The following TMEM132B variants were observed in gnomAD, a reference collection of about 807,000 sequenced individuals.
The protein encoded by TMEM132B is transmembrane protein 132B.
TMEM132B carries 18 observed loss-of-function variants against 90.8 expected under a neutral mutation model. The observed-to-expected ratio is 0.20, with a 90% CI of 0.14 to 0.29. The LOEUF is 0.29. TMEM132B is among the 10% of genes least tolerant of loss of function. The probability of loss-of-function intolerance (pLI) is 1.00; values close to 1 mark genes in which losing one functional copy is unlikely to be tolerated. For synonymous variants in TMEM132B, 504 were observed against 523.3 expected, an observed-to-expected ratio of 0.96 and a Z score of 0.50; for missense variants, 1,096 against 1,326.8, an observed-to-expected ratio of 0.83 and a Z score of 2.70.
chr12:125,622,701 G>A (rs546005173), intron 5 of TMEM132B: 1 of 982,458 alleles, frequency 1.0e-6, no homozygotes, highest in African/African-American at 1.8e-5. Context: ...TTTTCAGCTT[G>A]GGCCTTTCCA....
rs751285605 is a variant in TMEM132B, at chr12:125,563,333, G to C, written c.1294-20518G>C. 6.7e-4 allele frequency among the ~76,000 whole-genome samples: 102 copies of C among 152,224 alleles called. 1 individual carries two copies. The highest frequency in any genetic ancestry group is 1.2e-3 in the Non-Finnish European group (80 of 68,022). On this transcript the variant is annotated intron_variant, in intron 4 of 8. Transcript: ENST00000682704. ...TGTAAAGAACGCAGTATCTGGCCGG[G>C]CGCGGTGGCTCACGCCTGTAATCCC...
intron 4 of TMEM132B, among the ~76,000 whole-genome samples, chr12:125,546,434 G>C (rs914794323): frequency 1.3e-5 from 2 of 151,964 alleles, no homozygotes; most frequent in African/African-American, 4.8e-5. Context: ...CACCTGTCTT[G>C]GCCTCCCAAA....
intron 5 of TMEM132B, among the ~76,000 whole-genome samples, chr12:125,596,749 C>A (rs1885448878): frequency 6.6e-6 from 1 of 152,176 alleles, no homozygotes; most frequent in African/African-American, 2.4e-5. Context: ...ATGTCACTCC[C>A]AAGAGTATAT....
Position 125,269,678 on chromosome 12 carries a change from G to A in TMEM132B, c.68-79774G>A, listed in dbSNP as rs566025319. Among the ~76,000 whole-genome samples, 23 of 152,284 alleles carry A rather than the reference G, an allele frequency of 1.5e-4. No homozygotes were observed. The South Asian group carries it at 4.8e-3, about 32-fold the overall frequency. On this transcript the variant is annotated intron_variant, in intron 1 of 8. Coordinates refer to ENST00000682704, the MANE Select transcript of TMEM132B (RefSeq NM_001366854.1). Reference sequence around the variant, plus strand: ...GTAGGATCCAGCACGGAGCATGACTGATCACTTAAATCCTATGTGTTAGGT... The same window carrying A: ...GTAGGATCCAGCACGGAGCATGACTAATCACTTAAATCCTATGTGTTAGGT...
intron 1 of TMEM132B, among the ~76,000 whole-genome samples, chr12:125,216,252 C>T (rs1873434648): frequency 6.6e-6 from 1 of 152,188 alleles, no homozygotes; most frequent in Non-Finnish European, 1.5e-5. Flanking sequence ...ATGGCAGCCT[C>T]CTCTCTGTGT....
intron 3 of TMEM132B, among the ~76,000 whole-genome samples, chr12:125,513,054 C>T (rs895813081): frequency 6.6e-6 from 1 of 152,186 alleles, no homozygotes; most frequent in Non-Finnish European, 1.5e-5. Context: ...TCATCTAGCC[C>T]AGTCCTCAAA....
Position 125,350,224 on chromosome 12 carries a change from G to C in TMEM132B, c.840G>C (p.Leu280=), listed in dbSNP as rs776713830. 5.0e-6 allele frequency: 8 copies of C among 1,614,158 alleles called. No homozygotes were observed. Among genetic ancestry groups the C allele is most frequent in the Non-Finnish European group, 6.8e-6 (8 of 1,180,038 alleles). Residue 280 remains leucine, a synonymous_variant, in exon 2 of 9, where the codon CTG becomes CTC. Transcript: ENST00000682704. Reference sequence around the variant, plus strand: ...CCCAAGATGATCTGAAGTGGTCCCTGGTGAGCTTGGACGAGAATGTGGTCA... The same window carrying C: ...CCCAAGATGATCTGAAGTGGTCCCTCGTGAGCTTGGACGAGAATGTGGTCA... ...YPTQDDLKWS[L]VSLDENVVIS... is the part of the protein sequence containing the mutation.
chr12:125,630,147 C>T (rs1886326972), intron 5 of TMEM132B, among the ~76,000 whole-genome samples: 1 of 152,002 alleles, frequency 6.6e-6, no homozygotes, highest in South Asian at 2.1e-4. Context: ...AAATACTAGC[C>T]TTGTAAAATG....
At chr12:125,562,539 A>T (rs577948236) in intron 4 of TMEM132B, among the ~76,000 whole-genome samples, 81 of 152,272 alleles carry the variant, frequency 5.3e-4, no homozygotes, top group Middle Eastern at 3.4e-3. Context: ...ATTTAAAGTG[A>T]GAGATGTGGG....
chr12:125,366,818 T>C (rs181866599), intron 2 of TMEM132B, among the ~76,000 whole-genome samples: 1 of 152,308 alleles, frequency 6.6e-6, no homozygotes, highest in Admixed American at 6.5e-5. Context: ...AGACTATCTA[T>C]TATTATCTAA....
chr12:125,274,488 C>T (rs989534135), intron 1 of TMEM132B, among the ~76,000 whole-genome samples: 9 of 152,204 alleles, frequency 5.9e-5, no homozygotes, highest in African/African-American at 1.9e-4. Flanking sequence ...GGTTGATCCC[C>T]GCTCTGGCGA....
intron 3 of TMEM132B, among the ~76,000 whole-genome samples, chr12:125,435,709 A>C (rs945161301): frequency 6.6e-6 from 1 of 152,222 alleles, no homozygotes; most frequent in South Asian, 2.1e-4. Context: ...GCAGGAGATA[A>C]GAATGGAGAA....
At chr12:125,462,178 T>A (rs530456416) in intron 3 of TMEM132B, among the ~76,000 whole-genome samples, 179 of 152,316 alleles carry the variant, frequency 1.2e-3, no homozygotes, top group African/African-American at 4.2e-3. Flanking sequence ...AGGGAATAGA[T>A]CGCAGGTTGA....
chr12:125,366,849 CA>C (rs1235593808), intron 2 of TMEM132B, among the ~76,000 whole-genome samples: 1 of 152,156 alleles, frequency 6.6e-6, no homozygotes, highest in African/African-American at 2.4e-5. Context: ...AGTCTCTGTT[CA>C]TTTTCTTCAG....
At chr12:125,527,882 G>C (rs1883538719) in intron 4 of TMEM132B, among the ~76,000 whole-genome samples, 1 of 152,248 alleles carries the variant, frequency 6.6e-6, no homozygotes, top group African/African-American at 2.4e-5. Flanking sequence ...AATGAAAAGA[G>C]AGAAAATGGA....
At chr12:125,571,479 C>T (rs73220946) in intron 4 of TMEM132B, among the ~76,000 whole-genome samples, 17 of 152,214 alleles carry the variant, frequency 1.1e-4, no homozygotes, top group Non-Finnish European at 2.5e-4. Flanking sequence ...ACAAATAATG[C>T]ATGTAAATAA....
intron 3 of TMEM132B, among the ~76,000 whole-genome samples, chr12:125,516,314 C>T (rs1566060405): frequency 6.6e-6 from 1 of 152,210 alleles, no homozygotes; most frequent in Non-Finnish European, 1.5e-5. Flanking sequence ...TGAAACACTT[C>T]TTGATATTTG....
intron 1 of TMEM132B, among the ~76,000 whole-genome samples, chr12:125,296,097 T>G (rs1185104853): frequency 6.6e-6 from 1 of 152,124 alleles, no homozygotes; most frequent in African/African-American, 2.4e-5. Flanking sequence ...GATACCCGAG[T>G]CTGATCCTCT....
At chr12:125,472,168 T>TG (rs1650044925) in intron 3 of TMEM132B, among the ~76,000 whole-genome samples, 1 of 152,114 alleles carries the variant, frequency 6.6e-6, no homozygotes, top group Non-Finnish European at 1.5e-5. Context: ...TGTCTTGAGA[T>TG]GGGGTGAATA....
Sources: allele counts gnomAD v4.1 joint callset (sites outside exome capture counted in the v4.1 genomes callset), GRCh38; gene constraint gnomAD v4.1.1; transcripts MANE v1.5; gene names NCBI Gene and HGNC (gene_info 2026-07-23, HGNC 2026-07-21).